DIAPH3: variants seen among roughly 807,000 people sequenced by gnomAD.
DIAPH3 encodes the protein protein diaphanous homolog 3.
A neutral mutation model predicts 144.3 loss-of-function variants in DIAPH3; 117 were observed. The ratio of observed to expected loss-of-function variants is 0.81; its 90% CI spans 0.70 to 0.95. The LOEUF (loss-of-function observed/expected upper bound fraction) is 0.95, where lower values mean the gene tolerates loss of function less well. Among genes scored for constraint, DIAPH3 ranks in the 40% least tolerant of loss-of-function variants. The probability of loss-of-function intolerance (pLI) is 0.00; values close to 1 mark genes in which losing one functional copy is unlikely to be tolerated. For synonymous variants in DIAPH3, 519 were observed against 488.9 expected, an observed-to-expected ratio of 1.06 and a Z score of -0.81; for missense variants, 1,421 against 1,412.7, an observed-to-expected ratio of 1.01 and a Z score of -0.09.
At chr13:59,955,824 T>G (rs763749284) in intron 17 of DIAPH3, among the ~76,000 whole-genome samples, 1 of 152,158 alleles carries the variant, frequency 6.6e-6, no homozygotes, top group Non-Finnish European at 1.5e-5. Flanking sequence ...TGAGGTGGTC[T>G]CACATGGAAA....
chr13:59,911,577 T>C (rs2046997336), intron 20 of DIAPH3, among the ~76,000 whole-genome samples, 158 bp downstream of exon 20: 1 of 152,208 alleles, frequency 6.6e-6, no homozygotes, highest in Non-Finnish European at 1.5e-5. Context: ...TAAATCAAGG[T>C]AATTTCACAT....
At chr13:60,041,646 A>C (rs545777732) in intron 5 of DIAPH3, among the ~76,000 whole-genome samples, 1 of 152,268 alleles carries the variant, frequency 6.6e-6, no homozygotes, top group East Asian at 1.9e-4. Flanking sequence ...ATGAACCTCC[A>C]ATTATAGTAT....
intron 9 of DIAPH3, among the ~76,000 whole-genome samples, chr13:59,993,211 T>A (rs1270874786): frequency 6.6e-6 from 1 of 151,884 alleles, no homozygotes; most frequent in Non-Finnish European, 1.5e-5. Context: ...ATAGCTTAAA[T>A]GATAAAAATT....
At chr13:59,877,634 T>G (rs867546615) in intron 21 of DIAPH3, among the ~76,000 whole-genome samples, 1 of 152,184 alleles carries the variant, frequency 6.6e-6, no homozygotes, top group Non-Finnish European at 1.5e-5. Flanking sequence ...TCCATACTGC[T>G]GATAGACATA....
chr13:59,923,855 T>C (rs2047633471), intron 18 of DIAPH3, among the ~76,000 whole-genome samples: 1 of 152,198 alleles, frequency 6.6e-6, no homozygotes, highest in African/African-American at 2.4e-5. Flanking sequence ...GAGAGGAGGT[T>C]CTGAAATTTT....
chr13:60,123,346 C>G (rs1371378444), intron 2 of DIAPH3, among the ~76,000 whole-genome samples: 1 of 152,150 alleles, frequency 6.6e-6, no homozygotes, highest in Non-Finnish European at 1.5e-5. Flanking sequence ...GTACTAGGCA[C>G]TCAACAAATT....
intron 2 of DIAPH3, 49 bp from the exon 3 acceptor site, chr13:60,112,235 C>T (rs367667038): frequency 1.8e-5 from 29 of 1,603,978 alleles, no homozygotes; most frequent in Non-Finnish European, 2.0e-5. Flanking sequence ...CCTTTCCCAA[C>T]ATTTATCTCA....
chr13:60,100,533 A>G (rs2058239122), intron 3 of DIAPH3, among the ~76,000 whole-genome samples: 1 of 152,156 alleles, frequency 6.6e-6, no homozygotes, highest in Non-Finnish European at 1.5e-5. Flanking sequence ...TAGTTTAGTT[A>G]GCAATATCGT....
intron 27 of DIAPH3, among the ~76,000 whole-genome samples, chr13:59,707,783 ACT>A (rs1412117583): frequency 6.6e-6 from 1 of 151,926 alleles, no homozygotes; most frequent in African/African-American, 2.4e-5. Flanking sequence ...TTGCCAGTAG[ACT>A]CTACCTTTCT....
At chr13:59,945,601 C>G (rs1299466895) in intron 17 of DIAPH3, among the ~76,000 whole-genome samples, 1 of 150,032 alleles carries the variant, frequency 6.7e-6, no homozygotes, top group South Asian at 2.1e-4. Context: ...ACTTGTATAT[C>G]CAATTTCACT....
chr13:59,848,464 C>T (rs1349049341), intron 22 of DIAPH3, among the ~76,000 whole-genome samples: 42 of 151,046 alleles, frequency 2.8e-4, no homozygotes, highest in Admixed American at 8.6e-4. Context: ...TATCCCTCCC[C>T]GCTCCCCCCA....
At chr13:59,876,966 A>C (rs2044669618) in intron 21 of DIAPH3, among the ~76,000 whole-genome samples, 2 of 152,020 alleles carry the variant, frequency 1.3e-5, no homozygotes, top group Admixed American at 6.6e-5. Flanking sequence ...GCACACCTTG[A>C]CAACTCCTCA....
At chr13:59,745,210 G>A (rs977282796) in intron 27 of DIAPH3, among the ~76,000 whole-genome samples, 2 of 152,102 alleles carry the variant, frequency 1.3e-5, no homozygotes, top group Non-Finnish European at 2.9e-5. Flanking sequence ...TGAAAGAGAA[G>A]GCAAAAGAGA....
At chr13:59,945,319 T>C (rs1046276441) in intron 17 of DIAPH3, among the ~76,000 whole-genome samples, 3 of 152,164 alleles carry the variant, frequency 2.0e-5, no homozygotes, top group Non-Finnish European at 4.4e-5. Flanking sequence ...GTCATTTTTG[T>C]TGGCCTATTT....
At chr13:59,756,468 A>AGAAG (rs1181203552) in intron 27 of DIAPH3, among the ~76,000 whole-genome samples, 2 of 92,292 alleles carry the variant, frequency 2.2e-5, no homozygotes, top group East Asian at 3.1e-4. Context: ...AAGGAAGGAA[A>AGAAG]GAAGGAAGGA....
At chr13:60,042,946 G>C in intron 4 of DIAPH3, 126 bp from the exon 5 acceptor site, 1 of 1,097,542 alleles carries the variant, frequency 9.1e-7, no homozygotes, top group Non-Finnish European at 1.3e-6. Flanking sequence ...GGCAAGGGTG[G>C]TAAATAATTT....
At chr13:59,722,473 A>G (rs898655742) in intron 27 of DIAPH3, among the ~76,000 whole-genome samples, 4 of 152,200 alleles carry the variant, frequency 2.6e-5, no homozygotes, top group South Asian at 2.1e-4. Context: ...GGTTTGGCCA[A>G]TCTTCAAATT....
intron 22 of DIAPH3, among the ~76,000 whole-genome samples, chr13:59,851,216 T>G (rs1462491997): frequency 6.6e-6 from 1 of 152,204 alleles, no homozygotes; most frequent in African/African-American, 2.4e-5. Context: ...AGTAATGCCC[T>G]ACAGGATCTA....
At chr13:59,961,992 A>G (rs1279460707) in intron 17 of DIAPH3, among the ~76,000 whole-genome samples, 1 of 152,200 alleles carries the variant, frequency 6.6e-6, no homozygotes, top group Non-Finnish European at 1.5e-5. Context: ...CTAAAGTGAG[A>G]TTCAAAAATG....
Sources: gnomAD v4.1 joint callset for allele counts (sites outside exome capture counted in the v4.1 genomes callset) on GRCh38, gnomAD v4.1.1 for gene constraint, MANE v1.5 for transcripts, NCBI Gene and HGNC (gene_info 2026-07-23, HGNC 2026-07-21) for gene names.